Variants in APBB2 observed in about 807,000 individuals in gnomAD.
The protein encoded by APBB2 is Fe65-like 1.
A neutral mutation model predicts 82.5 loss-of-function variants in APBB2; 38 were observed. That is an observed-to-expected ratio of 0.46 (90% CI 0.36 to 0.60). APBB2 has a LOEUF of 0.60. Among genes scored for constraint, APBB2 ranks in the 20% least tolerant of loss-of-function variants. The pLI is 0.00. For synonymous variants in APBB2, 341 were observed against 368.2 expected (o/e 0.93, Z 0.85); for missense variants, 772 against 972.3 (o/e 0.79, Z 2.74).
intron 1 of APBB2, among the ~76,000 whole-genome samples, chr4:41,201,202 G>A (rs1010566558): frequency 2.6e-5 from 4 of 152,074 alleles, no homozygotes; most frequent in Admixed American, 1.3e-4. Context: ...TTACCACGCT[G>A]ATCAAATCAA....
At chr4:41,178,113 C>T (rs767342297) in intron 1 of APBB2, among the ~76,000 whole-genome samples, 1 of 152,172 alleles carries the variant, frequency 6.6e-6, no homozygotes, top group Non-Finnish European at 1.5e-5. Context: ...TTCACTAATA[C>T]ACCAAATGCA....
chr4:41,121,307 G>A (rs34017182), intron 2 of APBB2, among the ~76,000 whole-genome samples: 9,408 of 152,272 alleles, frequency 0.062, 341 homozygotes, highest in Middle Eastern at 0.14. Flanking sequence ...AATGGAATGC[G>A]TAGAGCTACC....
intron 6 of APBB2, among the ~76,000 whole-genome samples, chr4:41,010,345 A>G (rs917559421): frequency 1.3e-5 from 2 of 152,138 alleles, no homozygotes; most frequent in Non-Finnish European, 2.9e-5. Context: ...GTCAAAACCA[A>G]CTTTCAGAGA....
Position 40,816,038 on chromosome 4 carries a change from TTAGTG to T in APBB2, c.*49_*53del. ...GGTCGGATGGCGGAGTTCATTTTCT[TTAGTG>T]TAGCTAGTCAATCTTCAGGTAAATA... On this transcript the variant is annotated 3_prime_UTR_variant, in exon 18 of 18. Coordinates refer to ENST00000508593, the MANE Select transcript of APBB2 (RefSeq NM_004307.2). The T allele has an allele frequency of 6.3e-7, 1 of 1,581,936 alleles. No individual in the cohort carries two copies. Among genetic ancestry groups the T allele is most frequent in the African/African-American group, 1.4e-5 (1 of 73,816 alleles).
chr4:41,147,207 G>A (rs1280076463), intron 1 of APBB2, among the ~76,000 whole-genome samples: 1 of 152,172 alleles, frequency 6.6e-6, no homozygotes, highest in Non-Finnish European at 1.5e-5. Flanking sequence ...TCATTTGTAA[G>A]ATAATGAGGG....
At chr4:41,182,586 A>T (rs899462719) in intron 1 of APBB2, among the ~76,000 whole-genome samples, 1 of 152,216 alleles carries the variant, frequency 6.6e-6, no homozygotes, top group African/African-American at 2.4e-5. Flanking sequence ...TAGCTATATT[A>T]ATCTGTTTTC....
intron 6 of APBB2, among the ~76,000 whole-genome samples, chr4:40,982,261 A>G (rs71624484): frequency 0.018 from 391 of 22,174 alleles, 32 homozygotes; most frequent in Middle Eastern, 0.023. Flanking sequence ...AAAGAAAGAA[A>G]GAAAGAAAGA....
At chr4:40,854,573 T>A (rs1406510962) in intron 12 of APBB2, among the ~76,000 whole-genome samples, 1 of 151,938 alleles carries the variant, frequency 6.6e-6, no homozygotes, top group Non-Finnish European at 1.5e-5. Context: ...GATAAGCTAA[T>A]GCCAGGAGTT....
chr4:40,893,462 A>C lies in APBB2; in HGVS notation c.1255-51T>G, dbSNP rs371941454. 86 of 1,550,906 alleles carry C rather than the reference A, an allele frequency of 5.5e-5. 1 individual carries two copies. Among genetic ancestry groups the C allele is most frequent in the Admixed American group, 3.4e-4 (18 of 53,374 alleles). ...AAGTCACTCCATGGTTTGGTCAATC[A>C]TATCAGTTTACACTACTCCCCTCCC... On this transcript the variant is annotated intron_variant, in intron 10 of 17. Transcript: ENST00000508593.
intron 8 of APBB2, 90 bp downstream of exon 8, chr4:40,934,987 C>T (rs1405466239): frequency 1.8e-6 from 2 of 1,088,958 alleles, no homozygotes; most frequent in Non-Finnish European, 2.6e-6. Flanking sequence ...CTGCAGAATG[C>T]ATGATATTCA....
In APBB2 at chr4:40,890,417, G is replaced by A. The variant is rs745918728; in HGVS notation, c.1476C>T (p.His492=). The change falls in exon 12 of 18, where the codon CAC becomes CAT. Residue 492 remains histidine, a synonymous_variant. Coordinates refer to ENST00000508593, the MANE Select transcript of APBB2 (RefSeq NM_004307.2). ...LVDPMDRSVL[H]SQPIVSIRVW... is the part of the protein sequence containing the mutation. ...CGCGGATGCTGACGATGGGCTGCGA[G>A]TGCAGCACGCTGCGGTCCATGGGGT... is the stretch of plus-strand genomic sequence containing the variant. The A allele has an allele frequency of 2.5e-6, 4 of 1,613,914 alleles. No homozygotes were observed.
chr4:40,904,387 C>T (rs916806749), intron 10 of APBB2, among the ~76,000 whole-genome samples: 4 of 151,668 alleles, frequency 2.6e-5, no homozygotes, highest in South Asian at 2.1e-4. Context: ...GCCGAGATGG[C>T]GCCACTGCAC....
At chr4:41,117,636 A>C (rs1751484337) in intron 2 of APBB2, among the ~76,000 whole-genome samples, 1 of 152,102 alleles carries the variant, frequency 6.6e-6, no homozygotes, top group Non-Finnish European at 1.5e-5. Context: ...AAACAGGTTG[A>C]GAGGATGGGT....
Position 40,928,843 on chromosome 4 carries a change from C to T in APBB2, c.1254+5613G>A, listed in dbSNP as rs1201087854. On this transcript the variant is annotated intron_variant, in intron 10 of 17. Transcript: ENST00000508593. ...GCGGTTGCAGTGAGCCGAGATCGCA[C>T]CACTGCACTCCAGCCTGGATGACAG... Among the ~76,000 whole-genome samples, 5 of 151,290 alleles carry T rather than the reference C, an allele frequency of 3.3e-5. No homozygotes were observed. In the East Asian group the frequency reaches 9.7e-4, roughly 29 times the overall value.
chr4:41,147,170 G>A (rs113065823), intron 1 of APBB2, among the ~76,000 whole-genome samples: 2 of 152,168 alleles, frequency 1.3e-5, no homozygotes, highest in African/African-American at 4.8e-5. Flanking sequence ...GCTTTGTGGT[G>A]AGTATTGTTC....
At chr4:41,182,466 G>A (rs16852872) in intron 1 of APBB2, among the ~76,000 whole-genome samples, 7,858 of 152,282 alleles carry the variant, frequency 0.052, 461 homozygotes, top group African/African-American at 0.14. Flanking sequence ...TGGTGGTATA[G>A]TGGTGAACAT....
chr4:41,084,541 G>A (rs1178253402), intron 3 of APBB2: 1 of 152,172 alleles, frequency 6.6e-6, no homozygotes, highest in African/African-American at 2.4e-5. Flanking sequence ...TGTTCATCAT[G>A]CCCCTGAGAT....
At chr4:41,005,237 C>T (rs1001577025) in intron 6 of APBB2, among the ~76,000 whole-genome samples, 29 of 152,154 alleles carry the variant, frequency 1.9e-4, no homozygotes, top group Middle Eastern at 6.8e-3. Context: ...ACTACAGGCA[C>T]GTGCCACCAC....
At chr4:41,027,366 TATA>T (rs1560559946) in intron 5 of APBB2, among the ~76,000 whole-genome samples, 42 of 8,804 alleles carry the variant, frequency 4.8e-3, no homozygotes, top group African/African-American at 0.015. Context: ...TATTGTTACA[TATA>T]TATATATATA....
Sources: gnomAD v4.1 joint callset for allele counts (sites outside exome capture counted in the v4.1 genomes callset) on GRCh38, gnomAD v4.1.1 for gene constraint, MANE v1.5 for transcripts, NCBI Gene and HGNC (gene_info 2026-07-23, HGNC 2026-07-21) for gene names.